SP8: variants seen among roughly 807,000 people sequenced by gnomAD.
The protein encoded by SP8 is Sp8 transcription factor.
Under a neutral mutation model 15.3 loss-of-function variants are expected in SP8, and 7 were observed. The ratio of observed to expected loss-of-function variants is 0.46; its 90% CI spans 0.26 to 0.86. The LOEUF is 0.86. Ranked by LOEUF, SP8 falls within the 40% of genes least tolerant of loss-of-function variation. SP8 has a pLI of 0.16. For synonymous variants in SP8, 415 were observed against 356.3 expected, an observed-to-expected ratio of 1.16 and a Z score of -1.86; for missense variants, 731 against 736.4, an observed-to-expected ratio of 0.99 and a Z score of 0.09.
Position 20,785,083 on chromosome 7 carries a change from G to C in SP8, c.734C>G (p.Ala245Gly). 1 of 1,583,884 alleles carries C rather than the reference G, an allele frequency of 6.3e-7. No homozygotes were observed. The highest frequency in any genetic ancestry group is 8.5e-7 in the Non-Finnish European group (1 of 1,170,790). Residue 245 changes from alanine to glycine, a missense_variant, in exon 2 of 2, where the codon GCT becomes GGT. Around this residue, in one of 3 missense-constraint regions of SP8, gnomAD observed 586 missense variants for 524.9 expected, o/e 1.12. Coordinates refer to ENST00000418710, the MANE Select transcript of SP8 (RefSeq NM_182700.6). This position sits in a 1 kb window ranked among gnomAD's most constrained non-coding sequence, Gnocchi z 7.2. The part of the protein sequence containing the change: ...WIDVQNPNSA[A>G]ALPGSLHPAA... ...AGGGTGCAGCGAGCCGGGCAGCGCA[G>C]CCGCGCTGTTCGGGTTCTGCACGTC...
rs1238177336 is a variant in SP8 at position 20,783,503 on chromosome 7, A to T, written c.*787T>A. On this transcript the variant is annotated 3_prime_UTR_variant, in exon 2 of 2. Transcript: ENST00000418710. ...TTGCTATTTTCCCCCTAGTTTTTTT[A>T]AAAATAAAATATATGCTATAAAGAT... 1 of 152,200 alleles carries T rather than the reference A, an allele frequency of 6.6e-6. No homozygotes were observed. Among genetic ancestry groups the T allele is most frequent in the East Asian group, 1.9e-4 (1 of 5,192 alleles). 9.4% of individuals were successfully genotyped at this position (152,200 alleles called of 1,614,324 possible). A position where few individuals can be genotyped will look rare whatever the true frequency, so the allele number is the denominator to read the frequency against.
rs542666946 is a variant in SP8, at chr7:20,786,087, T to C, written c.22-292A>G. On this transcript the variant is annotated intron_variant, in intron 1 of 1. Transcript: ENST00000418710. The surrounding 1 kb of genome is among the most constrained non-coding windows in gnomAD (Gnocchi z 4.4). Reference sequence around the variant, plus strand: ...AGTATTCTCACCTAAAACAACACTCTCTTGCACACAAAGCCCCAGACACTT... The same window carrying C: ...AGTATTCTCACCTAAAACAACACTCCCTTGCACACAAAGCCCCAGACACTT... 3 of 1,178,756 alleles carry C rather than the reference T, an allele frequency of 2.5e-6. No individual in the cohort carries two copies. Among genetic ancestry groups the C allele is most frequent in the East Asian group, 3.6e-5 (1 of 28,040 alleles). The allele number at this position is 1,178,756 out of a possible 1,614,324, so 73.0% of individuals were successfully genotyped here.
rs895106517 is a variant in SP8, at chr7:20,784,225, A to C, written c.*65T>G. 2 of 1,340,056 alleles carry C rather than the reference A, an allele frequency of 1.5e-6. No homozygotes were observed. Among genetic ancestry groups the C allele is most frequent in the Admixed American group, 3.4e-5 (1 of 29,212 alleles). 83.0% of individuals were successfully genotyped at this position (1,340,056 alleles called of 1,614,324 possible). On this transcript the variant is annotated 3_prime_UTR_variant, in exon 2 of 2. Transcript: ENST00000418710. ...GGGAAAGGCTGGAGTTGAAGTCCGGACAGACAGGGCCCAAGAGGACTTGGT... is the reference window on the plus strand; with the variant it reads ...GGGAAAGGCTGGAGTTGAAGTCCGGCCAGACAGGGCCCAAGAGGACTTGGT...
At position 20,785,520 on chromosome 7, in the gene SP8, G is replaced by GGCCGCGGCA. The variant is rs762617922; in HGVS notation, c.288_296dup (p.Ala97_Ala99dup). ...CGCAGCTGAACGAGTCGGACACCAG[G>GGCCGCGGCA]GCCGCGGCAGCCGCGGCTGCTGCCG... On this transcript the variant is annotated inframe_insertion, in exon 2 of 2. Coordinates refer to ENST00000418710, the MANE Select transcript of SP8 (RefSeq NM_182700.6). The surrounding 1 kb of genome is among the most constrained non-coding windows in gnomAD (Gnocchi z 7.2). The GGCCGCGGCA allele has an allele frequency of 2.0e-5, 29 of 1,453,952 alleles. No homozygotes were observed. Among genetic ancestry groups the GGCCGCGGCA allele is most frequent in the African/African-American group, 6.0e-5 (4 of 66,460 alleles). 90.1% of individuals were successfully genotyped at this position (1,453,952 alleles called of 1,614,324 possible). A position where few individuals can be genotyped will look rare whatever the true frequency, so the allele number is the denominator to read the frequency against.
Position 20,784,876 on chromosome 7 carries a change from G to A in SP8, c.941C>T (p.Pro314Leu). The change falls in exon 2 of 2, where the codon CCG becomes CTG. Residue 314 changes from proline to leucine, a missense_variant. By Grantham distance (98) the Pro-to-Leu change is moderately conservative (BLOSUM62 -3). Coordinates refer to ENST00000418710, the MANE Select transcript of SP8 (RefSeq NM_182700.6). ...VLPGSYPDSA[P>L]SPLAGAGGSM... ...GCCCCCCGCGCCGGCCAGCGGCGAC[G>A]GGGCCGAGTCCGGGTAGGAGCCGGG... The A allele has an allele frequency of 6.5e-7, 1 of 1,527,768 alleles. No homozygotes were observed. Among genetic ancestry groups the A allele is most frequent in the Non-Finnish European group, 8.7e-7 (1 of 1,143,646 alleles). The allele number at this position is 1,527,768 out of a possible 1,614,324, so 94.6% of individuals were successfully genotyped here. A position where few individuals can be genotyped will look rare whatever the true frequency, so the allele number is the denominator to read the frequency against.
At position 20,784,037 on chromosome 7, in the gene SP8, C is replaced by T; in HGVS notation, c.*253G>A. On this transcript the variant is annotated 3_prime_UTR_variant, in exon 2 of 2. Transcript: ENST00000418710. ...CCCGACGAGGCGCGGGTTCCGGCTG[C>T]AACGGGTTCAGGCAGCGTTACCCGT... The T allele has an allele frequency of 2.3e-6, 1 of 444,354 alleles. No homozygotes were observed. The allele number at this position is 444,354 out of a possible 1,614,324, so 27.5% of individuals were successfully genotyped here.
In SP8 at chr7:20,785,844, G is replaced by T. The variant is rs1390925653; in HGVS notation, c.22-49C>A. 8 of 1,535,928 alleles carry T rather than the reference G, an allele frequency of 5.2e-6. No homozygotes were observed. Among genetic ancestry groups the T allele is most frequent in the Non-Finnish European group, 6.2e-6 (7 of 1,121,474 alleles). ...GTGGGGGAGGGGAGGTGGGCAAAGG[G>T]CCGGTGGGGGAGGAAAGGAAGAAAT... On this transcript the variant is annotated intron_variant, in intron 1 of 1. Transcript: ENST00000418710. This position sits in a 1 kb window ranked among gnomAD's most constrained non-coding sequence, Gnocchi z 7.2.
chr7:20,786,131 A>C lies in SP8; in HGVS notation c.22-336T>G. The C allele has an allele frequency of 1.3e-6, 1 of 742,584 alleles. No homozygotes were observed. The highest frequency in any genetic ancestry group is 1.7e-6 in the Non-Finnish European group (1 of 584,334). The allele number at this position is 742,584 out of a possible 1,614,324, so 46.0% of individuals were successfully genotyped here. On this transcript the variant is annotated intron_variant, in intron 1 of 1. Transcript: ENST00000418710. This position sits in a 1 kb window ranked among gnomAD's most constrained non-coding sequence, Gnocchi z 4.4. Reference sequence around the variant, plus strand: ...GACACTTCGTAACAAACAAGCAAAAAGTCCAGATTGGAGAGGAAGGAAGTT... The same window carrying C: ...GACACTTCGTAACAAACAAGCAAAACGTCCAGATTGGAGAGGAAGGAAGTT...
In SP8 at chr7:20,783,972, G is replaced by C. The variant is rs1042063538; in HGVS notation, c.*318C>G. The C allele has an allele frequency of 1.9e-5, 7 of 372,738 alleles. No individual in the cohort carries two copies. In the Admixed American group the frequency reaches 1.9e-4, roughly 10 times the overall value. The allele number at this position is 372,738 out of a possible 1,614,324, so 23.1% of individuals were successfully genotyped here. A position where few individuals can be genotyped will look rare whatever the true frequency, so the allele number is the denominator to read the frequency against. On this transcript the variant is annotated 3_prime_UTR_variant, in exon 2 of 2. Transcript: ENST00000418710. ...TACGCCCTTCACAACCTGGGGGGTG[G>C]AGGAGGGGAGGACAAGGAAGAGAGA... is the stretch of plus-strand genomic sequence containing the variant.
Position 20,784,951 on chromosome 7 carries a change from A to T in SP8, c.866T>A (p.Leu289Gln). 11 of 1,559,206 alleles carry T rather than the reference A, an allele frequency of 7.1e-6. No individual in the cohort carries two copies. Among genetic ancestry groups the T allele is most frequent in the Non-Finnish European group, 8.6e-6 (10 of 1,159,550 alleles). Residue 289 changes from leucine to glutamine, a missense_variant, in exon 2 of 2, where the codon CTG becomes CAG. Leu to Gln is a moderately radical substitution (Grantham distance 113). Coordinates refer to ENST00000418710, the MANE Select transcript of SP8 (RefSeq NM_182700.6). The part of the protein sequence containing the change: ...SAFSSGASSH[L>Q]LSPAGQHLMD... ...GAGGTGCTGCCCGGCGGGGCTGAGC[A>T]GGTGCGAGGAGGCGCCGCTGCTGAA...
Position 20,786,674 on chromosome 7 carries a change from A to C in SP8, c.21+104T>G. The stretch of plus-strand genomic sequence containing the variant: ...AAGAAAAAAAAAAAAAGCTCTCAAT[A>C]GAGAGACTGATAGCCCGTGGCCTGG... On this transcript the variant is annotated intron_variant, in intron 1 of 1. Transcript: ENST00000418710. This position sits in a 1 kb window ranked among gnomAD's most constrained non-coding sequence, Gnocchi z 4.4. The C allele has an allele frequency of 1.1e-6, 1 of 922,848 alleles. No homozygotes were observed. The highest frequency in any genetic ancestry group is 1.8e-6 in the Non-Finnish European group (1 of 553,454). The allele number at this position is 922,848 out of a possible 1,614,324, so 57.2% of individuals were successfully genotyped here.
In SP8 at chr7:20,784,506, T is replaced by C; in HGVS notation, c.1311A>G (p.Pro437=). ...TGCGCATGAAGCGCTTGTTGCAAAC[T>C]GGACAGGCGAAGCGCTTCTCGCCGG... ...THTGEKRFAC[P]VCNKRFMRSD... is the part of the protein sequence containing the mutation. The change falls in exon 2 of 2, where the codon CCA becomes CCG. Residue 437 remains proline, a synonymous_variant. Coordinates refer to ENST00000418710, the MANE Select transcript of SP8 (RefSeq NM_182700.6). The C allele has an allele frequency of 6.4e-7, 1 of 1,562,842 alleles. No homozygotes were observed. The highest frequency in any genetic ancestry group is 8.7e-7 in the Non-Finnish European group (1 of 1,154,804).
Position 20,784,269 on chromosome 7 carries a change from GGGGCGGGCGCA to G in SP8, c.*10_*20del, listed in dbSNP as rs766322627. On this transcript the variant is annotated 3_prime_UTR_variant, in exon 2 of 2. Transcript: ENST00000418710. ...ACTTGGTGGGAGGAGGTCGGGGAGA[GGGGCGGGCGCA>G]GGGTGGGCGTCACTCTAGGCCGTTG... The G allele has an allele frequency of 4.8e-6, 7 of 1,446,368 alleles. No homozygotes were observed. The South Asian group carries it at 9.8e-5, about 20-fold the overall frequency. The allele number at this position is 1,446,368 out of a possible 1,614,324, so 89.6% of individuals were successfully genotyped here. A position where few individuals can be genotyped will look rare whatever the true frequency, so the allele number is the denominator to read the frequency against.
At position 20,785,351 on chromosome 7, in the gene SP8, C is replaced by CGCT; in HGVS notation, c.463_465dup (p.Ser155dup). 5 of 1,368,646 alleles carry CGCT rather than the reference C, an allele frequency of 3.7e-6. No homozygotes were observed. The highest frequency in any genetic ancestry group is 1.4e-5 in the South Asian group (1 of 73,832). The allele number at this position is 1,368,646 out of a possible 1,614,324, so 84.8% of individuals were successfully genotyped here. A position where few individuals can be genotyped will look rare whatever the true frequency, so the allele number is the denominator to read the frequency against. ...CCGCCGCCGCCCCCGCCGCCGCCGC[C>CGCT]GCTGCCCCCGGAAACTCCGGGGGCC... On this transcript the variant is annotated inframe_insertion, in exon 2 of 2. Transcript: ENST00000418710. This position sits in a 1 kb window ranked among gnomAD's most constrained non-coding sequence, Gnocchi z 7.2.
Position 20,785,527 on chromosome 7 carries a change from G to GGGGGCC in SP8, c.289_290insGGCCCC (p.Ala97delinsGlyProPro). The GGGGGCC allele has an allele frequency of 7.3e-7, 1 of 1,378,504 alleles. No individual in the cohort carries two copies. The highest frequency in any genetic ancestry group is 9.4e-7 in the Non-Finnish European group (1 of 1,066,768). The allele number at this position is 1,378,504 out of a possible 1,614,324, so 85.4% of individuals were successfully genotyped here. A position where few individuals can be genotyped will look rare whatever the true frequency, so the allele number is the denominator to read the frequency against. On this transcript the variant is annotated protein_altering_variant, in exon 2 of 2. Coordinates refer to ENST00000418710, the MANE Select transcript of SP8 (RefSeq NM_182700.6). This position sits in a 1 kb window ranked among gnomAD's most constrained non-coding sequence, Gnocchi z 7.2. ...GAACGAGTCGGACACCAGGGCCGCGGCAGCCGCGGCTGCTGCCGCGGCCGC... is the reference window on the plus strand; with the variant it reads ...GAACGAGTCGGACACCAGGGCCGCGGGGGGCCCAGCCGCGGCTGCTGCCGCGGCCGC...
Position 20,785,979 on chromosome 7 carries a change from G to T in SP8, c.22-184C>A. On this transcript the variant is annotated intron_variant, in intron 1 of 1. Transcript: ENST00000418710. This position sits in a 1 kb window ranked among gnomAD's most constrained non-coding sequence, Gnocchi z 7.2. Reference sequence around the variant, plus strand: ...CCCCCAACAGCCCCGGCGCCCGGCCGCTTCCTACTCTACAGGAGGGGACAA... The same window carrying T: ...CCCCCAACAGCCCCGGCGCCCGGCCTCTTCCTACTCTACAGGAGGGGACAA... 1.4e-6 allele frequency: 2 copies of T among 1,442,930 alleles called. No homozygotes were observed. Among genetic ancestry groups the T allele is most frequent in the Non-Finnish European group, 1.8e-6 (2 of 1,100,622 alleles). 89.4% of individuals were successfully genotyped at this position (1,442,930 alleles called of 1,614,324 possible).
chr7:20,785,857 G>T lies in SP8; in HGVS notation c.22-62C>A, dbSNP rs1295576802. 6.6e-6 allele frequency: 10 copies of T among 1,522,964 alleles called. No homozygotes were observed. The highest frequency in any genetic ancestry group is 2.2e-4 in the Middle Eastern group (1 of 4,456). The allele number at this position is 1,522,964 out of a possible 1,614,324, so 94.3% of individuals were successfully genotyped here. A position where few individuals can be genotyped will look rare whatever the true frequency, so the allele number is the denominator to read the frequency against. ...GGTGGGCAAAGGGCCGGTGGGGGAG[G>T]AAAGGAAGAAATGTGCATCAGTCCT... On this transcript the variant is annotated intron_variant, in intron 1 of 1. Coordinates refer to ENST00000418710, the MANE Select transcript of SP8 (RefSeq NM_182700.6). The surrounding 1 kb of genome is among the most constrained non-coding windows in gnomAD (Gnocchi z 7.2).
At position 20,783,869 on chromosome 7, in the gene SP8, C is replaced by G. The variant is rs1367060972; in HGVS notation, c.*421G>C. ...CTCAGGCTTGTCAGCCGAGCCGCTC[C>G]TGCCCGCGCGAGGCCCGCTGTCTAC... On this transcript the variant is annotated 3_prime_UTR_variant, in exon 2 of 2. Transcript: ENST00000418710. 1.2e-4 allele frequency: 2 copies of G among 16,578 alleles called. No homozygotes were observed. The highest frequency in any genetic ancestry group is 5.8e-3 in the Admixed American group (2 of 344). The allele number at this position is 16,578 out of a possible 1,614,324, so 1.0% of individuals were successfully genotyped here. A position where few individuals can be genotyped will look rare whatever the true frequency, so the allele number is the denominator to read the frequency against.
Position 20,785,351 on chromosome 7 carries a change from C to A in SP8, c.466G>T (p.Gly156Cys). 7.3e-7 allele frequency: 1 copy of A among 1,368,646 alleles called. No homozygotes were observed. Among genetic ancestry groups the A allele is most frequent in the Non-Finnish European group, 9.5e-7 (1 of 1,047,588 alleles). The allele number at this position is 1,368,646 out of a possible 1,614,324, so 84.8% of individuals were successfully genotyped here. A position where few individuals can be genotyped will look rare whatever the true frequency, so the allele number is the denominator to read the frequency against. The change falls in exon 2 of 2, where the codon GGC becomes TGC. Residue 156 changes from glycine (G) to cysteine (C), a missense_variant. Around this residue, in one of 3 missense-constraint regions of SP8, gnomAD observed 586 missense variants for 524.9 expected, o/e 1.12. Coordinates refer to ENST00000418710, the MANE Select transcript of SP8 (RefSeq NM_182700.6). This position sits in a 1 kb window ranked among gnomAD's most constrained non-coding sequence, Gnocchi z 7.2. ...CCGCCGCCGCCCCCGCCGCCGCCGC[C>A]GCTGCCCCCGGAAACTCCGGGGGCC... Reference protein sequence around the residue: ...FQAPGVSGGSGGGGGGGGGGS... With the variant: ...FQAPGVSGGSCGGGGGGGGGS...
Sources: gnomAD v4.1 joint callset for allele counts on GRCh38, gnomAD v4.1.1 for gene constraint, gnomAD v4.1.1 regional missense constraint, Gnocchi (gnomAD v3.1) non-coding constraint, MANE v1.5 for transcripts, NCBI Gene and HGNC (gene_info 2026-07-23, HGNC 2026-07-21) for gene names.